Variants in KCNQ1 observed in about 807,000 individuals in gnomAD.
The protein encoded by KCNQ1 is potassium voltage-gated channel subfamily KQT member 1.
Under a neutral mutation model 72.4 loss-of-function variants are expected in KCNQ1, and 49 were observed. The observed-to-expected ratio is 0.68, with a 90% CI of 0.54 to 0.86. KCNQ1 has a LOEUF of 0.86. Among genes scored for constraint, KCNQ1 ranks in the 40% least tolerant of loss-of-function variants. The pLI is 0.00. For missense variants in KCNQ1, 790 were observed against 945.1 expected, an observed-to-expected ratio of 0.84 and a Z score of 2.15; for synonymous variants, 450 against 412.6, an observed-to-expected ratio of 1.09 and a Z score of -1.10.
In KCNQ1 at chr11:2,676,844, C is replaced by T. The variant is rs1351728302; in HGVS notation, c.1514+14763C>T. 4 of 398,580 alleles carry T rather than the reference C, an allele frequency of 1.0e-5. No individual in the cohort carries two copies. 24.7% of individuals were successfully genotyped at this position (398,580 alleles called of 1,614,324 possible). A position where few individuals can be genotyped will look rare whatever the true frequency, so the allele number is the denominator to read the frequency against. On this transcript the variant is annotated intron_variant, in intron 11 of 15. Transcript: ENST00000155840. The surrounding 1 kb of genome is among the most constrained non-coding windows in gnomAD (Gnocchi z 4.2). Reference sequence around the variant, plus strand: ...CCACAGGGGTCATGTTGTAATGACACCTGTCAGCTTTGACTGGGGAGCCCT... The same window carrying T: ...CCACAGGGGTCATGTTGTAATGACATCTGTCAGCTTTGACTGGGGAGCCCT...
chr11:2,615,510 T>C, intron 10 of KCNQ1: 1 of 398,054 alleles, frequency 2.5e-6, no homozygotes, highest in East Asian at 3.6e-5. Flanking sequence ...TCAGTTTTTT[T>C]TCTCATTAAG....
chr11:2,650,298 T>C (rs1849736773), intron 10 of KCNQ1: 2 of 398,538 alleles, frequency 5.0e-6, no homozygotes, highest in Non-Finnish European at 8.8e-6. Context: ...TTGTGTTCTT[T>C]TGGCAAGTCA....
At position 2,550,395 on chromosome 11, in the gene KCNQ1, G is replaced by A. The variant is rs891310888; in HGVS notation, c.478-20233G>A. The stretch of plus-strand genomic sequence containing the variant: ...GGGGTTGAATGAAAAGGCATAGGTA[G>A]AAGGTGGGAGAAGCCCACGTTCTGG... On this transcript the variant is annotated intron_variant, in intron 2 of 15. Coordinates refer to ENST00000155840, the MANE Select transcript of KCNQ1 (RefSeq NM_000218.3). This position sits in a 1 kb window ranked among gnomAD's most constrained non-coding sequence, Gnocchi z 6.0. Among the ~76,000 whole-genome samples, 1 of 152,192 alleles carries A rather than the reference G, an allele frequency of 6.6e-6. No homozygotes were observed. Among genetic ancestry groups the A allele is most frequent in the African/African-American group, 2.4e-5 (1 of 41,442 alleles).
At position 2,677,172 on chromosome 11, in the gene KCNQ1, C is replaced by T. The variant is rs542129721; in HGVS notation, c.1514+15091C>T. On this transcript the variant is annotated intron_variant, in intron 11 of 15. Transcript: ENST00000155840. This position sits in a 1 kb window ranked among gnomAD's most constrained non-coding sequence, Gnocchi z 4.5. Reference sequence around the variant, plus strand: ...GTTGTTTCTCCCTATCCATCTTATCCCTACTTGTATCTCTGCTGACTGACC... The same window carrying T: ...GTTGTTTCTCCCTATCCATCTTATCTCTACTTGTATCTCTGCTGACTGACC... 2.5e-6 allele frequency: 1 copy of T among 398,572 alleles called. No homozygotes were observed. Among genetic ancestry groups the T allele is most frequent in the South Asian group, 1.3e-4 (1 of 7,852 alleles). 24.7% of individuals were successfully genotyped at this position (398,572 alleles called of 1,614,324 possible).
chr11:2,800,030 C>T (rs1358269254), intron 15 of KCNQ1, among the ~76,000 whole-genome samples: 2 of 152,228 alleles, frequency 1.3e-5, no homozygotes, highest in African/African-American at 2.4e-5. Flanking sequence ...CTCAGCCACC[C>T]TCAGGTCTCC....
At chr11:2,761,010 C>T (rs561598654) in intron 11 of KCNQ1, among the ~76,000 whole-genome samples, 4 of 152,340 alleles carry the variant, frequency 2.6e-5, no homozygotes, top group South Asian at 2.1e-4. Flanking sequence ...CCCTGCCTTA[C>T]GGCAAGGGCA....
In KCNQ1 at chr11:2,483,383, TA is replaced by T. The variant is rs1274753308; in HGVS notation, c.386+37900del. ...ACTGAGAGTTCCTGTGGACTCCTAG[TA>T]TTAACATCTTAATAACGGGGTGTAT... On this transcript the variant is annotated intron_variant, in intron 1 of 15. Coordinates refer to ENST00000155840, the MANE Select transcript of KCNQ1 (RefSeq NM_000218.3). This position sits in a 1 kb window ranked among gnomAD's most constrained non-coding sequence, Gnocchi z 6.1. Among the ~76,000 whole-genome samples, 2 of 152,206 alleles carry T rather than the reference TA, an allele frequency of 1.3e-5. No homozygotes were observed. The highest frequency in any genetic ancestry group is 2.9e-5 in the Non-Finnish European group (2 of 68,024).
intron 11 of KCNQ1, among the ~76,000 whole-genome samples, chr11:2,743,250 T>C (rs1404511370): frequency 6.6e-6 from 1 of 151,838 alleles, no homozygotes; most frequent in Non-Finnish European, 1.5e-5. Context: ...CCTCATTGAC[T>C]CCGAGGGTCT....
Position 2,458,844 on chromosome 11 carries a change from A to G in KCNQ1, c.386+13360A>G, listed in dbSNP as rs1325232766. The stretch of plus-strand genomic sequence containing the variant: ...CATGACCTGATTTCCTCAGTAAGTC[A>G]ATGACCAAGAAATAACGGAGAGAAG... On this transcript the variant is annotated intron_variant, in intron 1 of 15. Transcript: ENST00000155840. The surrounding 1 kb of genome is among the most constrained non-coding windows in gnomAD (Gnocchi z 4.6). Among the ~76,000 whole-genome samples, 1 of 152,246 alleles carries G rather than the reference A, an allele frequency of 6.6e-6. No homozygotes were observed. The highest frequency in any genetic ancestry group is 1.5e-5 in the Non-Finnish European group (1 of 68,044).
rs1847920221 is a variant in KCNQ1 at position 2,830,256 on chromosome 11, G to A, written c.1795-17511G>A. On this transcript the variant is annotated intron_variant, in intron 15 of 15. Coordinates refer to ENST00000155840, the MANE Select transcript of KCNQ1 (RefSeq NM_000218.3). This position sits in a 1 kb window ranked among gnomAD's most constrained non-coding sequence, Gnocchi z 7.7. ...ACTAGCTGGGGCTGGGGCTGTGCAGGATAAGGCCAGTGAGAGAAGAGGACT... is the reference window on the plus strand; with the variant it reads ...ACTAGCTGGGGCTGGGGCTGTGCAGAATAAGGCCAGTGAGAGAAGAGGACT... Among the ~76,000 whole-genome samples the A allele has an allele frequency of 6.6e-6, 1 of 152,038 alleles. No individual in the cohort carries two copies. The highest frequency in any genetic ancestry group is 6.5e-5 in the Admixed American group (1 of 15,282).
At chr11:2,476,603 A>G (rs935827523) in intron 1 of KCNQ1, among the ~76,000 whole-genome samples, 2 of 152,228 alleles carry the variant, frequency 1.3e-5, no homozygotes, top group Non-Finnish European at 2.9e-5. Context: ...AACAATATAT[A>G]TCTTATAATT....
At chr11:2,756,181 A>G (rs893858478) in intron 11 of KCNQ1, among the ~76,000 whole-genome samples, 4 of 152,208 alleles carry the variant, frequency 2.6e-5, no homozygotes, top group Non-Finnish European at 4.4e-5. Flanking sequence ...GGCATACACC[A>G]AAAGGGAACT....
rs727505084 is a variant in KCNQ1, at chr11:2,778,049, C to G, written c.1794+12C>G. On this transcript the variant is annotated intron_variant, in intron 15 of 15. Coordinates refer to ENST00000155840, the MANE Select transcript of KCNQ1 (RefSeq NM_000218.3). ...GAGTAGAAGACAAGGTAGGCTCACG[C>G]GCCGGCCTGCGGTGGTTCTGGTTAG... The G allele has an allele frequency of 6.2e-7, 1 of 1,612,968 alleles. No homozygotes were observed.
intron 11 of KCNQ1, among the ~76,000 whole-genome samples, chr11:2,717,466 T>C (rs10766311): frequency 0.67 from 102,254 of 152,114 alleles, 34,697 homozygotes; most frequent in East Asian, 0.84. Context: ...ATTCTTCCCT[T>C]CCTGTTTCCC....
chr11:2,650,169 TC>T (rs1421501324), intron 10 of KCNQ1: 1 of 398,430 alleles, frequency 2.5e-6, no homozygotes, highest in Non-Finnish European at 4.4e-6. Context: ...CTGCTGGATT[TC>T]CCATTTAGAT....
chr11:2,742,013 A>G (rs948381994), intron 11 of KCNQ1, among the ~76,000 whole-genome samples: 3 of 152,220 alleles, frequency 2.0e-5, no homozygotes, highest in Non-Finnish European at 4.4e-5. Context: ...TCTCATGTAT[A>G]TGAGTCAGCG....
At chr11:2,587,266 A>G (rs527372759) in intron 8 of KCNQ1, among the ~76,000 whole-genome samples, 1 of 152,294 alleles carries the variant, frequency 6.6e-6, no homozygotes, top group African/African-American at 2.4e-5. Context: ...CACCTTTGCA[A>G]GTCTCTCCTT....
chr11:2,702,804 A>C (rs545739817), intron 11 of KCNQ1, among the ~76,000 whole-genome samples: 2 of 152,050 alleles, frequency 1.3e-5, no homozygotes, highest in South Asian at 4.1e-4. Context: ...GGAGCCTGTC[A>C]CTATTGTTTG....
chr11:2,775,739 C>A (rs1413020662), intron 12 of KCNQ1, among the ~76,000 whole-genome samples: 1 of 152,174 alleles, frequency 6.6e-6, no homozygotes, highest in Non-Finnish European at 1.5e-5. Context: ...CCCAGAGAGG[C>A]CGAGCTGATG....
Sources: allele counts gnomAD v4.1 joint callset (sites outside exome capture counted in the v4.1 genomes callset), GRCh38; gene constraint gnomAD v4.1.1; non-coding constraint Gnocchi (gnomAD v3.1); transcripts MANE v1.5; gene names NCBI Gene and HGNC (gene_info 2026-07-23, HGNC 2026-07-21).